The following KIF24 variants were observed in gnomAD, a reference collection of about 807,000 sequenced individuals.
KIF24 encodes kinesin-like protein KIF24.
Under a neutral mutation model 118.9 loss-of-function variants are expected in KIF24, and 81 were observed. That is an observed-to-expected ratio of 0.68 (90% CI 0.57 to 0.82). The LOEUF (loss-of-function observed/expected upper bound fraction) is 0.82. KIF24 is among the 40% of genes least tolerant of loss of function. The pLI is 0.00. For synonymous variants in KIF24, 599 were observed against 610.0 expected, an observed-to-expected ratio of 0.98 and a Z score of 0.27; for missense variants, 1,560 against 1,661.6, an observed-to-expected ratio of 0.94 and a Z score of 1.06.
At chr9:34,284,353 A>T (rs886293200) in intron 6 of KIF24, among the ~76,000 whole-genome samples, 1 of 152,202 alleles carries the variant, frequency 6.6e-6, no homozygotes, top group African/African-American at 2.4e-5. Flanking sequence ...TATCCTAGAC[A>T]ACCCATGTGC....
At position 34,252,401 on chromosome 9, in the gene KIF24, G is replaced by A. The variant is rs868586371; in HGVS notation, c.*1979C>T. 1 of 152,548 alleles carries A rather than the reference G, an allele frequency of 6.6e-6. No homozygotes were observed. Among genetic ancestry groups the A allele is most frequent in the African/African-American group, 2.4e-5 (1 of 41,410 alleles). 9.4% of individuals were successfully genotyped at this position (152,548 alleles called of 1,614,324 possible). ...GAAATCAGTCTCTCTGGTTTGTTTT[G>A]TATTATGTTGTACATCATTAAAGAT... On this transcript the variant is annotated 3_prime_UTR_variant, in exon 13 of 13. Transcript: ENST00000402558.
intron 6 of KIF24, among the ~76,000 whole-genome samples, chr9:34,283,721 G>A (rs975856230): frequency 2.0e-5 from 3 of 152,126 alleles, no homozygotes; most frequent in African/African-American, 7.2e-5. Flanking sequence ...AACCCAAGAT[G>A]AGGAAAAGAC....
At chr9:34,305,583 CTTAA>C (rs961774330) in intron 3 of KIF24, among the ~76,000 whole-genome samples, 136 of 152,252 alleles carry the variant, frequency 8.9e-4, no homozygotes, top group African/African-American at 3.0e-3. Context: ...TTGACAACTA[CTTAA>C]TTATTTATTT....
Position 34,257,707 on chromosome 9 carries a change from T to A in KIF24, c.1900A>T (p.Arg634Ter). The change falls in exon 11 of 13, where the codon AGA (arginine) becomes TGA (stop). Residue 634 changes from arginine to a stop codon, truncating the protein, a stop_gained. Transcript: ENST00000402558. LOFTEE classifies it high-confidence loss of function. ...ACCCACTCTTGTGAAGGACTCCCTC[T>A]GGAGCCACCCCTTTTACCAGAGACC... ...PKVSGKRGGSRGSPSQEWVIH... is the reference protein window; with the variant it reads ...PKVSGKRGGS The A allele has an allele frequency of 6.2e-7, 1 of 1,614,056 alleles. No individual in the cohort carries two copies. The highest frequency in any genetic ancestry group is 2.2e-5 in the East Asian group (1 of 44,888).
At position 34,255,891 on chromosome 9, in the gene KIF24, G is replaced by A; in HGVS notation, c.3716C>T (p.Thr1239Ile). Residue 1239 changes from threonine (T) to isoleucine (I), a missense_variant, in exon 11 of 13, where the codon ACA becomes ATA. Coordinates refer to ENST00000402558, the MANE Select transcript of KIF24 (RefSeq NM_194313.4). ...RLGWQEFGLS[T>I]DPIKLPCNSE... is the part of the protein sequence containing the mutation. Reference sequence around the variant, plus strand: ...GTTGCAGGGCAACTTGATGGGGTCTGTGGACAAACCAAACTCCTGCCAACC... The same window carrying A: ...GTTGCAGGGCAACTTGATGGGGTCTATGGACAAACCAAACTCCTGCCAACC... 1 of 1,614,032 alleles carries A rather than the reference G, an allele frequency of 6.2e-7. No individual in the cohort carries two copies. Among genetic ancestry groups the A allele is most frequent in the Non-Finnish European group, 8.5e-7 (1 of 1,179,882 alleles).
intron 6 of KIF24, among the ~76,000 whole-genome samples, chr9:34,277,659 C>T (rs192208175): frequency 6.6e-6 from 1 of 152,240 alleles, no homozygotes; most frequent in Admixed American, 6.5e-5. Flanking sequence ...TTGAGATGCC[C>T]TTTCCTGGTT....
intron 3 of KIF24, among the ~76,000 whole-genome samples, chr9:34,302,153 CCTGA>C (rs1317763759): frequency 6.6e-6 from 1 of 151,194 alleles, no homozygotes; most frequent in African/African-American, 2.4e-5. Context: ...TGCCACCATG[CCTGA>C]CTAATTTTTT....
chr9:34,302,543 G>C (rs544408758), intron 3 of KIF24, among the ~76,000 whole-genome samples: 49 of 151,182 alleles, frequency 3.2e-4, no homozygotes, highest in Non-Finnish European at 5.7e-4. Context: ...TCAGCTCACT[G>C]TGAACTCTAA....
intron 6 of KIF24, chr9:34,282,777 C>A (rs1027805244): frequency 6.6e-6 from 1 of 152,074 alleles, no homozygotes; most frequent in Non-Finnish European, 1.5e-5. Context: ...CTGAGCGGGA[C>A]GCAGTGCATC....
At chr9:34,262,562 T>G (rs965468008) in intron 9 of KIF24, among the ~76,000 whole-genome samples, 1 of 144,030 alleles carries the variant, frequency 6.9e-6, no homozygotes, top group African/African-American at 2.7e-5. Context: ...ATCCCAGTAC[T>G]TTGGAAGGCT....
rs755988266 is a variant in KIF24 at position 34,256,605 on chromosome 9, CTT to C, written c.3000_3001del (p.Asp1002HisfsTer33). On this transcript the variant is annotated frameshift_variant, in exon 11 of 13. Transcript: ENST00000402558. LOFTEE classifies it high-confidence loss of function. ...TCTCAGAGGTGTGGTGACTGTGTCT[CTT>C]TGGTCTGGGGATCCAGGAACTGCAA... The C allele has an allele frequency of 1.5e-5, 24 of 1,613,858 alleles. No homozygotes were observed. The Admixed American group carries it at 4.0e-4, about 27-fold the overall frequency.
At chr9:34,268,865 T>C (rs1031675006) in intron 8 of KIF24, among the ~76,000 whole-genome samples, 1 of 152,212 alleles carries the variant, frequency 6.6e-6, no homozygotes, top group Non-Finnish European at 1.5e-5. Context: ...AGATTTTTCA[T>C]ATGTTGGTAA....
At chr9:34,296,382 C>A (rs1455203189) in intron 4 of KIF24, among the ~76,000 whole-genome samples, 1 of 151,254 alleles carries the variant, frequency 6.6e-6, no homozygotes, top group African/African-American at 2.4e-5. Flanking sequence ...AAAAAATTAG[C>A]CGGGCGTGGT....
At chr9:34,287,691 A>AT (rs1248453318) in intron 5 of KIF24, among the ~76,000 whole-genome samples, 1 of 152,156 alleles carries the variant, frequency 6.6e-6, no homozygotes, top group Non-Finnish European at 1.5e-5. Context: ...AATGCCCATC[A>AT]TCTCTCTGAA....
intron 1 of KIF24, among the ~76,000 whole-genome samples, chr9:34,324,719 T>C (rs1277536908): frequency 6.6e-6 from 1 of 152,210 alleles, no homozygotes; most frequent in Non-Finnish European, 1.5e-5. Context: ...CCACAAATCC[T>C]TCTGTAATCT....
chr9:34,280,083 G>T, intron 6 of KIF24, among the ~76,000 whole-genome samples: 1 of 151,388 alleles, frequency 6.6e-6, no homozygotes, highest in Non-Finnish European at 1.5e-5. Context: ...AGGAGATCGA[G>T]ACCATCCCGG....
chr9:34,296,498 C>T (rs1361616119), intron 4 of KIF24, among the ~76,000 whole-genome samples: 1 of 150,876 alleles, frequency 6.6e-6, no homozygotes, highest in Non-Finnish European at 1.5e-5. Context: ...GATCACGCCA[C>T]TGCACTCCAG....
intron 1 of KIF24, among the ~76,000 whole-genome samples, chr9:34,322,682 C>T (rs1356392277): frequency 1.3e-5 from 2 of 152,186 alleles, no homozygotes; most frequent in East Asian, 1.9e-4. Context: ...GGTGAAACTC[C>T]ATCTCTACAA....
Position 34,297,051 on chromosome 9 carries a change from T to C in KIF24, c.877A>G (p.Thr293Ala), listed in dbSNP as rs1836509770. Residue 293 changes from threonine to alanine, a missense_variant, in exon 4 of 13, where the codon ACT becomes GCT. Thr to Ala is a moderately conservative substitution (Grantham distance 58, BLOSUM62 0). This residue lies in a region of KIF24 where 964 missense variants were observed against 988.0 expected (regional missense o/e 0.98). Coordinates refer to ENST00000402558, the MANE Select transcript of KIF24 (RefSeq NM_194313.4). The part of the protein sequence containing the change: ...ACTNQDVYMK[T>A]THPLIQHIFN... ...ATATGCTGAATAAGTGGGTGAGTAGTCTTCATGTATACATCCTGATTGGTG... is the reference window on the plus strand; with the variant it reads ...ATATGCTGAATAAGTGGGTGAGTAGCCTTCATGTATACATCCTGATTGGTG... The C allele has an allele frequency of 6.3e-7, 1 of 1,594,526 alleles. No individual in the cohort carries two copies.
Sources: gnomAD v4.1 joint callset for allele counts (sites outside exome capture counted in the v4.1 genomes callset) on GRCh38, gnomAD v4.1.1 for gene constraint, gnomAD v4.1.1 regional missense constraint, MANE v1.5 for transcripts, NCBI Gene and HGNC (gene_info 2026-07-23, HGNC 2026-07-21) for gene names.